The following PLXDC1 variants were observed in gnomAD, a reference collection of about 807,000 sequenced individuals.
PLXDC1 encodes the protein plexin domain containing 1, also known as plexin domain-containing protein 1.
Under a neutral mutation model 61.3 loss-of-function variants are expected in PLXDC1, and 39 were observed. The ratio of observed to expected loss-of-function variants is 0.64; its 90% CI spans 0.49 to 0.83. The LOEUF is 0.83. Among genes scored for constraint, PLXDC1 ranks in the 40% least tolerant of loss-of-function variants. The probability of loss-of-function intolerance (pLI) is 0.00; values close to 1 mark genes in which losing one functional copy is unlikely to be tolerated. For missense variants in PLXDC1, 596 were observed against 666.5 expected (o/e 0.89, Z 1.17); for synonymous variants, 212 against 254.5 (o/e 0.83, Z 1.59).
intron 8 of PLXDC1, among the ~76,000 whole-genome samples, chr17:39,083,844 C>T (rs1311019548): frequency 6.6e-6 from 1 of 152,092 alleles, no homozygotes; most frequent in African/African-American, 2.4e-5. Flanking sequence ...TCTCTTCCTC[C>T]CTCCCTACCT....
chr17:39,107,595 G>T (rs745411747), intron 5 of PLXDC1, 70 bp from the exon 6 acceptor site: 1 of 1,147,142 alleles, frequency 8.7e-7, no homozygotes, highest in East Asian at 2.3e-5. Context: ...AGAAATGCCA[G>T]TCGGAGGGCA....
intron 2 of PLXDC1, among the ~76,000 whole-genome samples, chr17:39,138,940 A>T (rs2143931756): frequency 6.6e-6 from 1 of 152,204 alleles, no homozygotes; most frequent in African/African-American, 2.4e-5. Flanking sequence ...ACAGTGACAG[A>T]CAGGTACACA....
intron 7 of PLXDC1, among the ~76,000 whole-genome samples, chr17:39,099,791 C>T (rs1395188775): frequency 1.3e-5 from 2 of 152,052 alleles, no homozygotes; most frequent in Non-Finnish European, 2.9e-5. Context: ...AGACACTGTC[C>T]AGCTTAGTGC....
chr17:39,105,657 T>C (rs779935153), intron 7 of PLXDC1, among the ~76,000 whole-genome samples, 197 bp downstream of exon 7: 1 of 152,126 alleles, frequency 6.6e-6, no homozygotes, highest in Non-Finnish European at 1.5e-5. Context: ...CCATTGGAGA[T>C]TTTGCTGGAG....
At position 39,069,908 on chromosome 17, in the gene PLXDC1, C is replaced by G; in HGVS notation, c.1331G>C (p.Gly444Ala). The G allele has an allele frequency of 6.2e-7, 1 of 1,613,908 alleles. No homozygotes were observed. The highest frequency in any genetic ancestry group is 1.1e-5 in the South Asian group (1 of 91,050). The change falls in exon 13 of 14, where the codon GGA becomes GCA. Residue 444 changes from glycine to alanine, a missense_variant. Coordinates refer to ENST00000315392, the MANE Select transcript of PLXDC1 (RefSeq NM_020405.5). Reference protein sequence around the residue: ...VLLVAAIILAGIYINGHPTSN... With the variant: ...VLLVAAIILAAIYINGHPTSN... ...TGTGGGGTGGCCATTGATGTAAATT[C>G]CAGCCAGGATGATGGCCGCCACGAG...
intron 7 of PLXDC1, among the ~76,000 whole-genome samples, chr17:39,095,821 C>T (rs549976542): frequency 1.3e-5 from 2 of 152,124 alleles, no homozygotes; most frequent in South Asian, 2.1e-4. Flanking sequence ...CCTGCCACCA[C>T]ACCTGGCTGA....
At chr17:39,106,752 C>T (rs1022001135) in intron 6 of PLXDC1, among the ~76,000 whole-genome samples, 4 of 149,814 alleles carry the variant, frequency 2.7e-5, no homozygotes, top group Admixed American at 1.4e-4. Flanking sequence ...TGGGTTCAAG[C>T]GATTCTCCTG....
intron 2 of PLXDC1, among the ~76,000 whole-genome samples, chr17:39,134,026 G>A (rs1597658705): frequency 6.6e-6 from 1 of 151,966 alleles, no homozygotes; most frequent in Admixed American, 6.5e-5. Context: ...GGGAGGTCAA[G>A]GTGGGTGGAT....
chr17:39,113,073 CTT>C (rs1422491948), intron 2 of PLXDC1: 1 of 152,150 alleles, frequency 6.6e-6, no homozygotes, highest in Admixed American at 6.5e-5. Context: ...TGACCGGTGT[CTT>C]TATGTAAACG....
chr17:39,137,125 G>A (rs1454408467), intron 2 of PLXDC1, among the ~76,000 whole-genome samples: 1 of 152,196 alleles, frequency 6.6e-6, no homozygotes, highest in Admixed American at 6.5e-5. Context: ...GAGTTACAGG[G>A]AGTACCCTGA....
At chr17:39,077,792 G>A (rs894234097) in intron 11 of PLXDC1, 121 bp downstream of exon 11, 2 of 889,662 alleles carry the variant, frequency 2.2e-6, no homozygotes, top group South Asian at 1.7e-5. Context: ...AGCTATAAAA[G>A]GATGGGGCAG....
chr17:39,087,597 C>T lies in PLXDC1; in HGVS notation c.907+10G>A, dbSNP rs763135345. On this transcript the variant is annotated intron_variant, in intron 8 of 13. Coordinates refer to ENST00000315392, the MANE Select transcript of PLXDC1 (RefSeq NM_020405.5). ...GCTCTTTCTGGGATGGCGGAATGAC[C>T]CCTACTCACTCGGCAATGGGGTGAA... 1 of 1,605,950 alleles carries T rather than the reference C, an allele frequency of 6.2e-7. No homozygotes were observed. The highest frequency in any genetic ancestry group is 8.5e-7 in the Non-Finnish European group (1 of 1,172,696).
chr17:39,149,499 C>T (rs540293683), intron 1 of PLXDC1, among the ~76,000 whole-genome samples: 1 of 152,332 alleles, frequency 6.6e-6, no homozygotes, highest in Admixed American at 6.5e-5. Flanking sequence ...ACAGCTGCCG[C>T]CTCTGGCTTC....
chr17:39,146,948 ATTTTTTT>A (rs869300584), intron 1 of PLXDC1, among the ~76,000 whole-genome samples: 39 of 74,702 alleles, frequency 5.2e-4, no homozygotes, highest in South Asian at 1.1e-3. Flanking sequence ...ACAGGAAATG[ATTTTTTT>A]TTTTTTTTTT....
chr17:39,111,157 T>G (rs1325662834), intron 2 of PLXDC1, among the ~76,000 whole-genome samples: 1 of 151,720 alleles, frequency 6.6e-6, no homozygotes, highest in Admixed American at 6.6e-5. Flanking sequence ...CAGACCAGAC[T>G]CCCCTGACAG....
intron 9 of PLXDC1, among the ~76,000 whole-genome samples, chr17:39,081,902 A>G (rs1169284514): frequency 1.3e-5 from 2 of 152,156 alleles, no homozygotes; most frequent in South Asian, 2.1e-4. Flanking sequence ...TGATTGCACC[A>G]CTGCACCCCA....
rs61745967 is a variant in PLXDC1, at chr17:39,067,841, C to T, written c.1502G>A (p.Ter501=). 1,842 of 1,613,358 alleles carry T rather than the reference C, an allele frequency of 1.1e-3. 17 individuals carry two copies. The highest frequency in any genetic ancestry group is 8.9e-3 in the South Asian group (806 of 91,008). ...CTTCAAAGGGGAGACTTGGTGTTCTCAGCACTGCTCAGCCTCCATGAAGCC... is the reference window on the plus strand; with the variant it reads ...CTTCAAAGGGGAGACTTGGTGTTCTTAGCACTGCTCAGCCTCCATGAAGCC... ...KEGFMEAEQC[*] Residue 501 remains the stop codon, a stop_retained_variant, in exon 14 of 14, where the codon TGA becomes TAA. Transcript: ENST00000315392.
intron 7 of PLXDC1, among the ~76,000 whole-genome samples, chr17:39,105,438 G>T (rs1458503923): frequency 6.6e-6 from 1 of 152,156 alleles, no homozygotes; most frequent in African/African-American, 2.4e-5. Context: ...TGAAGGACAG[G>T]GAGGTAACAG....
chr17:39,101,915 G>A (rs1313787795), intron 7 of PLXDC1, among the ~76,000 whole-genome samples: 1 of 152,170 alleles, frequency 6.6e-6, no homozygotes, highest in Non-Finnish European at 1.5e-5. Context: ...GCAAGTCTAT[G>A]CCTGCTTACC....
Sources: allele counts gnomAD v4.1 joint callset (sites outside exome capture counted in the v4.1 genomes callset), GRCh38; gene constraint gnomAD v4.1.1; transcripts MANE v1.5; gene names NCBI Gene and HGNC (gene_info 2026-07-23, HGNC 2026-07-21).